Variants in SMIM19 observed in about 807,000 individuals in gnomAD.
SMIM19 encodes small integral membrane protein 19, also known as UPF0697 protein C8orf40.
Under a neutral mutation model 13.2 loss-of-function variants are expected in SMIM19, and 6 were observed. The ratio of observed to expected loss-of-function variants is 0.45; its 90% confidence interval spans 0.25 to 0.90. The LOEUF (loss-of-function observed/expected upper bound fraction) is 0.90. SMIM19 is among the 40% of genes least tolerant of loss of function. The pLI, the probability that SMIM19 is intolerant of heterozygous loss-of-function variation, is 0.19. For missense variants in SMIM19, 138 were observed against 131.0 expected (o/e 1.05, Z -0.26); for synonymous variants, 46 against 43.1 (o/e 1.07, Z -0.27).
rs775617744 is a variant in SMIM19 at position 42,552,589 on chromosome 8, T to G, written c.305T>G (p.Val102Gly). The change falls in exon 4 of 4, where the codon GTG (valine) becomes GGG (glycine). Residue 102 changes from valine to glycine, a missense_variant. By Grantham distance (109) the Val-to-Gly change is moderately radical. Coordinates refer to ENST00000417410, the MANE Select transcript of SMIM19 (RefSeq NM_001135674.2). ...CAGCCACAAAACCAAGCTGACAGTGTGCAACTCTCATTGGAATGAAACCTC... is the reference window on the plus strand; with the variant it reads ...CAGCCACAAAACCAAGCTGACAGTGGGCAACTCTCATTGGAATGAAACCTC... ...YQQPQNQADS[V>G]QLSLE 1 of 1,614,040 alleles carries G rather than the reference T, an allele frequency of 6.2e-7. No homozygotes were observed. The highest frequency in any genetic ancestry group is 2.2e-5 in the East Asian group (1 of 44,888).
chr8:42,545,300 A>G (rs1444290365), intron 1 of SMIM19, among the ~76,000 whole-genome samples: 1 of 152,242 alleles, frequency 6.6e-6, no homozygotes, highest in African/African-American at 2.4e-5. Context: ...GGGAATGTCC[A>G]AAGAATGCAT....
At chr8:42,545,693 G>C (rs535378831) in intron 1 of SMIM19, among the ~76,000 whole-genome samples, 1 of 152,152 alleles carries the variant, frequency 6.6e-6, no homozygotes, top group Non-Finnish European at 1.5e-5. Flanking sequence ...ATCATGCCCA[G>C]CTAATTTTTT....
At chr8:42,546,675 A>G (rs1813498682) in intron 2 of SMIM19, 69 bp downstream of exon 2, 1 of 1,553,784 alleles carries the variant, frequency 6.4e-7, no homozygotes, top group African/African-American at 1.4e-5. Context: ...AAGAAATATG[A>G]AATGAATGCA....
chr8:42,554,800 G>A lies in SMIM19; in HGVS notation c.*2192G>A, dbSNP rs916523720. On this transcript the variant is annotated 3_prime_UTR_variant, in exon 4 of 4. Transcript: ENST00000417410. ...GGAAGAAAAATGGAACTACTAATAA[G>A]CTAGTAATTAACCCTTGTATTCTTT... 1.3e-5 allele frequency: 2 copies of A among 152,214 alleles called. No individual in the cohort carries two copies. The highest frequency in any genetic ancestry group is 1.3e-4 in the Admixed American group (2 of 15,274). The allele number at this position is 152,214 out of a possible 1,614,324, so 9.4% of individuals were successfully genotyped here.
chr8:42,548,226 TG>T (rs1276720242), intron 2 of SMIM19: 1 of 337,334 alleles, frequency 3.0e-6, no homozygotes, highest in African/African-American at 2.1e-5. Flanking sequence ...CCCATCCTAT[TG>T]TATTTAAGAA....
rs995030700 is a variant in SMIM19, at chr8:42,542,215, G to A, written c.-163G>A. On this transcript the variant is annotated 5_prime_UTR_variant, in exon 1 of 4. Transcript: ENST00000417410. ...CCACGCCCAGGCCTGTGTGGCTTTG[G>A]ACAAGTTATATAACCACCGCCGCCA... 6.5e-6 allele frequency: 1 copy of A among 153,646 alleles called. No individual in the cohort carries two copies. The highest frequency in any genetic ancestry group is 1.4e-5 in the Non-Finnish European group (1 of 69,348). The allele number at this position is 153,646 out of a possible 1,614,324, so 9.5% of individuals were successfully genotyped here. A position where few individuals can be genotyped will look rare whatever the true frequency, so the allele number is the denominator to read the frequency against.
chr8:42,543,844 C>G (rs1813376679), intron 1 of SMIM19, among the ~76,000 whole-genome samples: 1 of 152,164 alleles, frequency 6.6e-6, no homozygotes, highest in East Asian at 1.9e-4. Context: ...AAGCTGCCTC[C>G]CTTGCTGCAT....
chr8:42,553,595 TA>T lies in SMIM19; in HGVS notation c.*988del, dbSNP rs926161002. ...ATGTTTTTACCTAATTTTTCATGTT[TA>T]TTTAAATAAAAGCTGACTGGGTAAT... On this transcript the variant is annotated 3_prime_UTR_variant, in exon 4 of 4. Transcript: ENST00000417410. 5 of 152,270 alleles carry T rather than the reference TA, an allele frequency of 3.3e-5. No individual in the cohort carries two copies. Among genetic ancestry groups the T allele is most frequent in the Non-Finnish European group, 5.9e-5 (4 of 68,052 alleles). The allele number at this position is 152,270 out of a possible 1,614,324, so 9.4% of individuals were successfully genotyped here.
At chr8:42,550,859 C>T (rs531692204) in intron 3 of SMIM19, among the ~76,000 whole-genome samples, 30 of 152,176 alleles carry the variant, frequency 2.0e-4, no homozygotes, top group South Asian at 1.0e-3. Context: ...CCTTAGTGTT[C>T]GTGATGTATT....
At chr8:42,543,741 T>C (rs1413098243) in intron 1 of SMIM19, among the ~76,000 whole-genome samples, 1 of 152,224 alleles carries the variant, frequency 6.6e-6, no homozygotes, top group East Asian at 1.9e-4. Flanking sequence ...TTTTTTAATT[T>C]GTCAGATAAA....
At chr8:42,549,526 C>A (rs182972408) in intron 3 of SMIM19, among the ~76,000 whole-genome samples, 1 of 151,978 alleles carries the variant, frequency 6.6e-6, no homozygotes, top group Non-Finnish European at 1.5e-5. Context: ...ATTTCACTTA[C>A]GTGAGGCAAA....
chr8:42,542,880 T>C (rs1813308753), intron 1 of SMIM19, among the ~76,000 whole-genome samples: 1 of 151,238 alleles, frequency 6.6e-6, no homozygotes, highest in South Asian at 2.1e-4. Context: ...CTTGGGAGGC[T>C]GAGGCAGGAG....
chr8:42,546,711 G>A (rs1265232443), intron 2 of SMIM19, 105 bp downstream of exon 2: 37 of 1,375,832 alleles, frequency 2.7e-5, no homozygotes, highest in Non-Finnish European at 3.4e-5. Flanking sequence ...CAGGCTGGAC[G>A]CAGTGGCTCA....
At position 42,549,982 on chromosome 8, in the gene SMIM19, G is replaced by A. The variant is rs551577714; in HGVS notation, c.259+1202G>A. ...GTGGTGGTGGGTGCCTGTAATCCCA[G>A]CTACTCAGGAGGTTGAGGCAAGAGA... On this transcript the variant is annotated intron_variant, in intron 3 of 3. Coordinates refer to ENST00000417410, the MANE Select transcript of SMIM19 (RefSeq NM_001135674.2). Among the ~76,000 whole-genome samples, 42 of 152,142 alleles carry A rather than the reference G, an allele frequency of 2.8e-4. No homozygotes were observed. In the South Asian group the frequency reaches 8.3e-3, roughly 30 times the overall value.
Position 42,552,540 on chromosome 8 carries a change from A to C in SMIM19, c.260-4A>C. ...TTATCTCTTCTTTTTCTTGTTGTGAATAGCAAGAAAGTACGACTATCAGCA... is the reference window on the plus strand; with the variant it reads ...TTATCTCTTCTTTTTCTTGTTGTGACTAGCAAGAAAGTACGACTATCAGCA... On this transcript the variant is annotated splice_polypyrimidine_tract_variant and splice_region_variant and intron_variant, in intron 3 of 3. Transcript: ENST00000417410. 3 of 1,613,942 alleles carry C rather than the reference A, an allele frequency of 1.9e-6. No individual in the cohort carries two copies. The South Asian group carries it at 3.3e-5, about 18-fold the overall frequency.
chr8:42,551,939 G>A (rs1386366941), intron 3 of SMIM19, among the ~76,000 whole-genome samples: 5 of 152,078 alleles, frequency 3.3e-5, no homozygotes, highest in Admixed American at 6.5e-5. Context: ...GTGAGACACT[G>A]TCTCAAAAAT....
chr8:42,548,007 A>C (rs1194897381), intron 2 of SMIM19, among the ~76,000 whole-genome samples: 2 of 152,174 alleles, frequency 1.3e-5, no homozygotes, highest in African/African-American at 2.4e-5. Flanking sequence ...CAGAGCCCGC[A>C]CTTGCGCCCA....
intron 3 of SMIM19, among the ~76,000 whole-genome samples, chr8:42,550,537 C>T (rs1003415000): frequency 3.9e-5 from 6 of 152,154 alleles, no homozygotes; most frequent in African/African-American, 1.4e-4. Flanking sequence ...GTCCCTTCCT[C>T]CATCTGCAAA....
intron 2 of SMIM19, among the ~76,000 whole-genome samples, chr8:42,547,088 C>T (rs966997043): frequency 3.3e-5 from 5 of 152,106 alleles, no homozygotes; most frequent in African/African-American, 9.7e-5. Context: ...TGGCCAGACA[C>T]GGTGGCTCAC....
Sources: gnomAD v4.1 joint callset for allele counts (sites outside exome capture counted in the v4.1 genomes callset) on GRCh38, gnomAD v4.1.1 for gene constraint, MANE v1.5 for transcripts, NCBI Gene and HGNC (gene_info 2026-07-23, HGNC 2026-07-21) for gene names.